Variants in IGSF11 observed in about 807,000 individuals in gnomAD.
IGSF11 encodes CXADR like 1.
In IGSF11, 22 loss-of-function variants were observed where a neutral mutation model predicts 41.0. The ratio of observed to expected loss-of-function variants is 0.54; its 90% CI spans 0.38 to 0.77. The LOEUF is 0.77. Ranked by LOEUF, IGSF11 falls within the 30% of genes least tolerant of loss-of-function variation. The pLI is 0.00. For synonymous variants in IGSF11, 219 were observed against 201.3 expected (o/e 1.09, Z -0.74); for missense variants, 444 against 530.8 (o/e 0.84, Z 1.61).
intron 1 of IGSF11, among the ~76,000 whole-genome samples, chr3:119,111,442 C>G (rs1263490793): frequency 2.6e-5 from 4 of 152,204 alleles, no homozygotes; most frequent in Non-Finnish European, 5.9e-5. Flanking sequence ...TCAGCTCCAT[C>G]AGTTCCTTTA....
chr3:119,135,943 C>G (rs2077555208), intron 1 of IGSF11, among the ~76,000 whole-genome samples: 1 of 152,176 alleles, frequency 6.6e-6, no homozygotes, highest in Non-Finnish European at 1.5e-5. Flanking sequence ...AACCATCATT[C>G]TAAGCAAACT....
chr3:119,012,250 G>C (rs1300043575), intron 1 of IGSF11, among the ~76,000 whole-genome samples: 1 of 152,154 alleles, frequency 6.6e-6, no homozygotes, highest in African/African-American at 2.4e-5. Flanking sequence ...AACTATCAGT[G>C]ATTAGTCTCT....
chr3:118,992,061 T>C (rs184888764), intron 1 of IGSF11, among the ~76,000 whole-genome samples: 1 of 152,334 alleles, frequency 6.6e-6, no homozygotes, highest in Admixed American at 6.5e-5. Context: ...GAATCAACCA[T>C]AGGAAAGTTT....
rs28817385 is a variant in IGSF11 at position 119,004,520 on chromosome 3, A to C, written c.52+30011T>G. Among the ~76,000 whole-genome samples, 35 of 131,928 alleles carry C rather than the reference A, an allele frequency of 2.7e-4. No homozygotes were observed. In the Admixed American group the frequency reaches 2.7e-3, roughly 10 times the overall value. 86.5% of individuals were successfully genotyped at this position (131,928 alleles called of 152,430 possible). ...CTTCTGCTAGCTTTTGAATGTGTTT[A>C]CTCTTGCTTTTCTAGTTCTTTTAAT... On this transcript the variant is annotated intron_variant, in intron 1 of 6. Transcript: ENST00000393775.
chr3:118,937,669 T>C (rs1416065324), intron 1 of IGSF11, among the ~76,000 whole-genome samples: 1 of 152,230 alleles, frequency 6.6e-6, no homozygotes, highest in East Asian at 1.9e-4. Flanking sequence ...ACTGCCAAGC[T>C]TCTACTTCAT....
intron 1 of IGSF11, among the ~76,000 whole-genome samples, chr3:118,973,693 T>C (rs1166513641): frequency 6.6e-6 from 1 of 152,188 alleles, no homozygotes; most frequent in African/African-American, 2.4e-5. Flanking sequence ...ACAATTAAGA[T>C]GGTGAGGTAC....
intron 1 of IGSF11, among the ~76,000 whole-genome samples, chr3:118,931,388 A>C (rs565092236): frequency 6.6e-6 from 1 of 152,244 alleles, no homozygotes; most frequent in African/African-American, 2.4e-5. Flanking sequence ...TCATGTCCTG[A>C]AAAGGAAATA....
At chr3:119,112,872 C>T (rs9866152) in intron 1 of IGSF11, 28,071 of 152,252 alleles carry the variant, frequency 0.18, 2,841 homozygotes, top group Non-Finnish European at 0.24. Context: ...AGCTTCAGTT[C>T]GCTCACAGTT....
chr3:119,078,613 C>A (rs977201842), intron 1 of IGSF11, among the ~76,000 whole-genome samples: 2 of 152,098 alleles, frequency 1.3e-5, no homozygotes, highest in Non-Finnish European at 2.9e-5. Context: ...TATAAAAACC[C>A]TAGAAGAAAA....
chr3:119,145,402 C>A (rs2077707164), intron 1 of IGSF11, among the ~76,000 whole-genome samples: 1 of 152,206 alleles, frequency 6.6e-6, no homozygotes, highest in Non-Finnish European at 1.5e-5. Flanking sequence ...AGGACCAAAT[C>A]TCAAAAACTG....
chr3:119,025,751 C>G (rs181541650), intron 1 of IGSF11, among the ~76,000 whole-genome samples: 7 of 152,092 alleles, frequency 4.6e-5, no homozygotes, highest in Admixed American at 4.6e-4. Context: ...TAAATGTGTA[C>G]ATCCAAACAA....
chr3:118,922,897 G>C (rs1448976275), intron 4 of IGSF11, among the ~76,000 whole-genome samples: 1 of 152,022 alleles, frequency 6.6e-6, no homozygotes, highest in African/African-American at 2.4e-5. Context: ...TTTCTTGCTT[G>C]CTGTTCTCAA....
intron 4 of IGSF11, among the ~76,000 whole-genome samples, chr3:118,916,911 C>A (rs1216186610): frequency 6.6e-6 from 1 of 152,010 alleles, no homozygotes; most frequent in African/African-American, 2.4e-5. Flanking sequence ...AACTGTCTCT[C>A]AGACCACAGT....
At chr3:119,040,528 C>G (rs1473909723) in intron 1 of IGSF11, among the ~76,000 whole-genome samples, 1 of 152,192 alleles carries the variant, frequency 6.6e-6, no homozygotes, top group Non-Finnish European at 1.5e-5. Context: ...TAACATCATC[C>G]TTCTAAAATA....
At chr3:118,996,253 A>G (rs1307501589) in intron 1 of IGSF11, among the ~76,000 whole-genome samples, 2 of 152,218 alleles carry the variant, frequency 1.3e-5, no homozygotes. Context: ...ATATCTCAGT[A>G]CATGGCACCA....
intron 1 of IGSF11, among the ~76,000 whole-genome samples, chr3:119,104,837 C>T (rs1478880934): frequency 5.9e-5 from 9 of 152,122 alleles, no homozygotes; most frequent in African/African-American, 2.4e-5. Context: ...TAGCTCTTAA[C>T]ACAGTGTGTT....
At position 119,049,597 on chromosome 3, in the gene IGSF11, C is replaced by T. The variant is rs1293196034; in HGVS notation, c.49+55547G>A. Among the ~76,000 whole-genome samples the T allele has an allele frequency of 5.0e-3, 752 of 151,166 alleles. 5 individuals carry two copies. Among genetic ancestry groups the T allele is most frequent in the Non-Finnish European group, 8.8e-3 (592 of 67,314 alleles). The stretch of plus-strand genomic sequence containing the variant: ...CCCAAGGTAATTTATAGATTCAATG[C>T]CATCCCCATCAAGCTACCAATGACT... On this transcript the variant is annotated intron_variant, in intron 1 of 6. Coordinates refer to the IGSF11 transcript ENST00000354673.
chr3:118,953,558 ACAT>A (rs746133903), intron 1 of IGSF11, among the ~76,000 whole-genome samples: 21 of 152,166 alleles, frequency 1.4e-4, no homozygotes, highest in Non-Finnish European at 2.6e-4. Flanking sequence ...ATCCATGCCA[ACAT>A]CTATTATTTT....
At chr3:119,053,189 A>G (rs1941695135) in intron 1 of IGSF11, among the ~76,000 whole-genome samples, 1 of 152,206 alleles carries the variant, frequency 6.6e-6, no homozygotes, top group Non-Finnish European at 1.5e-5. Flanking sequence ...CCAAATCAGT[A>G]AAGAGGATTC....
Sources: gnomAD v4.1 joint callset for allele counts (sites outside exome capture counted in the v4.1 genomes callset) on GRCh38, gnomAD v4.1.1 for gene constraint, MANE v1.5 for transcripts, NCBI Gene and HGNC (gene_info 2026-07-23, HGNC 2026-07-21) for gene names.